The following RAD51B variants were observed in gnomAD, a reference collection of about 807,000 sequenced individuals.
RAD51B encodes the protein DNA repair protein RAD51 homolog 2.
RAD51B carries 38 observed loss-of-function variants against 42.2 expected under a neutral mutation model. That is an observed-to-expected ratio of 0.90 (90% CI 0.70 to 1.18). The LOEUF is 1.18. Ranked by LOEUF, RAD51B falls within the 50% of genes most tolerant of loss-of-function variation. The pLI is 0.00. For synonymous variants in RAD51B, 154 were observed against 145.2 expected, an observed-to-expected ratio of 1.06 and a Z score of -0.43; for missense variants, 373 against 400.7, an observed-to-expected ratio of 0.93 and a Z score of 0.59.
chr14:68,574,620 G>A (rs56406888), intron 10 of RAD51B, among the ~76,000 whole-genome samples: 13,173 of 152,270 alleles, frequency 0.087, 779 homozygotes, highest in South Asian at 0.15. Flanking sequence ...AATCCACCAG[G>A]CCCACTCTAA....
At chr14:67,924,190 C>T (rs145325396) in intron 7 of RAD51B, among the ~76,000 whole-genome samples, 8 of 152,278 alleles carry the variant, frequency 5.3e-5, no homozygotes, top group Non-Finnish European at 1.0e-4. Flanking sequence ...TCTGTTCACT[C>T]TGCTGATTAT....
rs559869463 is a variant in RAD51B, at chr14:68,038,708, A to G, written c.756+151504A>G. On this transcript the variant is annotated intron_variant, in intron 7 of 10. Transcript: ENST00000471583. The stretch of plus-strand genomic sequence containing the variant: ...ATGTGTGGGATGTGGTACGTGGCCA[A>G]TGATGTGTTGGAGGCAGCCCCCACC... Among the ~76,000 whole-genome samples, 5 of 152,306 alleles carry G rather than the reference A, an allele frequency of 3.3e-5. No homozygotes were observed. In the East Asian group the frequency reaches 9.6e-4, roughly 29 times the overall value.
intron 7 of RAD51B, among the ~76,000 whole-genome samples, chr14:68,189,248 GA>G (rs772092067): frequency 1.3e-5 from 2 of 152,060 alleles, no homozygotes; most frequent in Non-Finnish European, 2.9e-5. Flanking sequence ...CAGAGGGTAG[GA>G]ACAATATTTT....
intron 10 of RAD51B, chr14:68,545,722 C>A: frequency 2.3e-6 from 1 of 438,818 alleles, no homozygotes; most frequent in Middle Eastern, 3.3e-4. Flanking sequence ...TTGTTATCTG[C>A]CAAGAGTGAA....
At chr14:68,633,183 C>G (rs1892272218) in intron 10 of RAD51B, among the ~76,000 whole-genome samples, 1 of 151,716 alleles carries the variant, frequency 6.6e-6, no homozygotes, top group South Asian at 2.1e-4. Flanking sequence ...CTGCTCTCCA[C>G]ACAAGTTAGT....
chr14:68,356,814 T>C (rs2082915580), intron 8 of RAD51B, among the ~76,000 whole-genome samples: 1 of 151,396 alleles, frequency 6.6e-6, no homozygotes, highest in Non-Finnish European at 1.5e-5. Context: ...ACCCCGTCTC[T>C]ACTAAAAATA....
intron 10 of RAD51B, among the ~76,000 whole-genome samples, chr14:68,519,914 A>G (rs1469850971): frequency 6.6e-6 from 1 of 152,254 alleles, no homozygotes; most frequent in African/African-American, 2.4e-5. Flanking sequence ...AAAAAGAGAA[A>G]AAAAGGAGAA....
In RAD51B at chr14:68,478,053, T is replaced by C; in HGVS notation, c.*389T>C. On this transcript the variant is annotated 3_prime_UTR_variant, in exon 11 of 11. Transcript: ENST00000471583. ...GAGGATGACTAACAAGATTTGTAATTACAGGAGGGAACATTTCCGAATAAA... is the reference window on the plus strand; with the variant it reads ...GAGGATGACTAACAAGATTTGTAATCACAGGAGGGAACATTTCCGAATAAA... 2 of 1,075,058 alleles carry C rather than the reference T, an allele frequency of 1.9e-6. No homozygotes were observed. The highest frequency in any genetic ancestry group is 2.3e-6 in the Non-Finnish European group (2 of 886,388). 66.6% of individuals were successfully genotyped at this position (1,075,058 alleles called of 1,614,324 possible). A position where few individuals can be genotyped will look rare whatever the true frequency, so the allele number is the denominator to read the frequency against.
rs1319544911 is a variant in RAD51B, at chr14:68,565,433, C to G, written c.1037-29052C>G. On this transcript the variant is annotated intron_variant, in intron 10 of 10. Coordinates refer to the RAD51B transcript ENST00000487270. The surrounding 1 kb of genome is among the most constrained non-coding windows in gnomAD (Gnocchi z 4.1). The stretch of plus-strand genomic sequence containing the variant: ...CTGGCTCTCTCAGAGCCAAGCCTTT[C>G]TGTTTGGAGTTTTGCACAGCCCTTT... Among the ~76,000 whole-genome samples the G allele has an allele frequency of 6.6e-6, 1 of 152,134 alleles. No individual in the cohort carries two copies. The highest frequency in any genetic ancestry group is 1.9e-4 in the East Asian group (1 of 5,190).
At position 68,158,601 on chromosome 14, in the gene RAD51B, T is replaced by C. The variant is rs559144219; in HGVS notation, c.757-133283T>C. ...CTGCTCTATATAGCACTTTTAAATG[T>C]ATAAAATTTTTGATAGAGGATAAGT... On this transcript the variant is annotated intron_variant, in intron 7 of 10. Coordinates refer to ENST00000471583, the MANE Select transcript of RAD51B (RefSeq NM_133510.4). Among the ~76,000 whole-genome samples the C allele has an allele frequency of 9.8e-4, 149 of 152,312 alleles. 1 individual carries two copies. Among genetic ancestry groups the C allele is most frequent in the African/African-American group, 3.5e-3 (147 of 41,562 alleles).
intron 7 of RAD51B, among the ~76,000 whole-genome samples, chr14:68,138,375 C>T (rs1388354873): frequency 6.6e-6 from 1 of 152,118 alleles, no homozygotes; most frequent in Non-Finnish European, 1.5e-5. Flanking sequence ...AATAAAACAA[C>T]ATCTTTTAAC....
At chr14:68,155,538 C>T (rs958419675) in intron 7 of RAD51B, among the ~76,000 whole-genome samples, 4 of 151,896 alleles carry the variant, frequency 2.6e-5, no homozygotes, top group Non-Finnish European at 5.9e-5. Context: ...TTTGTTTTTA[C>T]TTATTTTGCT....
intron 7 of RAD51B, among the ~76,000 whole-genome samples, chr14:67,981,933 CTTTA>C (rs147028005): frequency 0.021 from 3,158 of 152,072 alleles, 107 homozygotes; most frequent in African/African-American, 0.071. Flanking sequence ...CAATTGTACA[CTTTA>C]TTTATTTATT....
intron 10 of RAD51B, among the ~76,000 whole-genome samples, chr14:68,530,162 G>C (rs1887185574): frequency 6.6e-6 from 1 of 152,018 alleles, no homozygotes; most frequent in Non-Finnish European, 1.5e-5. Flanking sequence ...TAAAAGTTGT[G>C]GCTGGGCACA....
chr14:67,999,983 C>T (rs1431656104), intron 7 of RAD51B, among the ~76,000 whole-genome samples: 1 of 151,686 alleles, frequency 6.6e-6, no homozygotes, highest in Non-Finnish European at 1.5e-5. Flanking sequence ...TTAGGAAAAG[C>T]AATTTAGGTC....
At chr14:68,082,149 A>G (rs2076921679) in intron 7 of RAD51B, among the ~76,000 whole-genome samples, 2 of 151,928 alleles carry the variant, frequency 1.3e-5, no homozygotes, top group African/African-American at 4.8e-5. Flanking sequence ...TTTATTAGAG[A>G]TGGGGTTTCA....
intron 7 of RAD51B, among the ~76,000 whole-genome samples, chr14:68,123,387 T>G (rs1368637948): frequency 6.6e-6 from 1 of 152,068 alleles, no homozygotes; most frequent in Non-Finnish European, 1.5e-5. Flanking sequence ...AGTCAGTATC[T>G]TATTATGTTG....
chr14:67,926,295 A>G lies in RAD51B; in HGVS notation c.756+39091A>G, dbSNP rs368219702. 1.9e-4 allele frequency among the ~76,000 whole-genome samples: 29 copies of G among 152,236 alleles called. No homozygotes were observed. In the East Asian group the frequency reaches 5.0e-3, roughly 26 times the overall value. On this transcript the variant is annotated intron_variant, in intron 7 of 10. Coordinates refer to ENST00000471583, the MANE Select transcript of RAD51B (RefSeq NM_133510.4). ...ACTTTGCTGCTTAGAAATTTTTTACACCAGATACCCAAAATCATCTCTCTT... is the reference window on the plus strand; with the variant it reads ...ACTTTGCTGCTTAGAAATTTTTTACGCCAGATACCCAAAATCATCTCTCTT...
intron 7 of RAD51B, among the ~76,000 whole-genome samples, chr14:68,042,742 G>A (rs1595307106): frequency 1.3e-5 from 2 of 152,256 alleles, no homozygotes; most frequent in East Asian, 3.8e-4. Flanking sequence ...TAGAGAAGGT[G>A]ATGGAGGCTC....
Sources: gnomAD v4.1 joint callset for allele counts (sites outside exome capture counted in the v4.1 genomes callset) on GRCh38, gnomAD v4.1.1 for gene constraint, Gnocchi (gnomAD v3.1) non-coding constraint, MANE v1.5 for transcripts, NCBI Gene and HGNC (gene_info 2026-07-23, HGNC 2026-07-21) for gene names.